CNTNAP5: variants seen among roughly 807,000 people sequenced by gnomAD.
CNTNAP5 encodes the protein contactin associated protein family member 5.
CNTNAP5 carries 72 observed loss-of-function variants against 150.2 expected under a neutral mutation model. That is an observed-to-expected ratio of 0.48 (90% CI 0.40 to 0.58). CNTNAP5 has a LOEUF of 0.58. CNTNAP5 is among the 20% of genes least tolerant of loss of function. The probability of loss-of-function intolerance (pLI) is 0.00; values close to 1 mark genes in which losing one functional copy is unlikely to be tolerated. For synonymous variants in CNTNAP5, 672 were observed against 619.8 expected (o/e 1.08, Z -1.25); for missense variants, 1,636 against 1,626.2 (o/e 1.01, Z -0.10).
chr2:124,184,669 T>G (rs1052928152), intron 1 of CNTNAP5, among the ~76,000 whole-genome samples: 4 of 152,184 alleles, frequency 2.6e-5, no homozygotes, highest in African/African-American at 9.6e-5. Flanking sequence ...ACAATGGCAT[T>G]GCTATTTATT....
chr2:124,248,530 T>G (rs1200921836), intron 3 of CNTNAP5, among the ~76,000 whole-genome samples: 1 of 151,934 alleles, frequency 6.6e-6, no homozygotes, highest in African/African-American at 2.4e-5. Flanking sequence ...CAATCAGCAT[T>G]GTGAAAGCAA....
intron 3 of CNTNAP5, among the ~76,000 whole-genome samples, chr2:124,295,454 C>T (rs1688401028): frequency 6.6e-6 from 1 of 152,216 alleles, no homozygotes; most frequent in South Asian, 2.1e-4. Flanking sequence ...AATTTTCCTT[C>T]TGATTGTCCT....
chr2:124,754,695 AT>A (rs1680801214), intron 14 of CNTNAP5, among the ~76,000 whole-genome samples: 1 of 151,040 alleles, frequency 6.6e-6, no homozygotes. Context: ...ATTTTTTTTT[AT>A]TTTGTTTTTA....
intron 6 of CNTNAP5, among the ~76,000 whole-genome samples, chr2:124,452,655 C>A (rs1032878086): frequency 6.6e-6 from 1 of 152,146 alleles, no homozygotes; most frequent in Admixed American, 6.5e-5. Flanking sequence ...GCCCCTGCAA[C>A]CTCCACTGGA....
At chr2:124,030,584 G>A (rs748008454) in intron 1 of CNTNAP5, among the ~76,000 whole-genome samples, 1 of 151,880 alleles carries the variant, frequency 6.6e-6, no homozygotes, top group South Asian at 2.1e-4. Flanking sequence ...GTTAATTTCT[G>A]TAGCTCTACC....
At chr2:124,287,994 A>G (rs1036723337) in intron 3 of CNTNAP5, among the ~76,000 whole-genome samples, 2 of 152,144 alleles carry the variant, frequency 1.3e-5, no homozygotes, top group African/African-American at 4.8e-5. Context: ...CAATAACGCA[A>G]CCTTGGCTCA....
chr2:124,786,507 A>AAAAG (rs150483975), intron 17 of CNTNAP5, among the ~76,000 whole-genome samples: 36,609 of 131,910 alleles, frequency 0.28, 6,185 homozygotes, highest in African/African-American at 0.35. Flanking sequence ...GAGGGAAAGA[A>AAAAG]AAAGAAAGAA....
At chr2:124,577,155 A>T (rs1696302072) in intron 11 of CNTNAP5, among the ~76,000 whole-genome samples, 1 of 152,258 alleles carries the variant, frequency 6.6e-6, no homozygotes, top group African/African-American at 2.4e-5. Flanking sequence ...CAATGATCCT[A>T]CTATGGACTT....
At chr2:124,158,202 C>A (rs11677523) in intron 1 of CNTNAP5, among the ~76,000 whole-genome samples, 12,619 of 152,090 alleles carry the variant, frequency 0.083, 717 homozygotes, top group Non-Finnish European at 0.13. Flanking sequence ...CAACCCAAAA[C>A]CCTCCCTTGG....
At chr2:124,297,789 C>G (rs980497698) in intron 3 of CNTNAP5, among the ~76,000 whole-genome samples, 1 of 146,812 alleles carries the variant, frequency 6.8e-6, no homozygotes, top group African/African-American at 2.5e-5. Context: ...ACTACTAAGC[C>G]AGGCAATCCA....
At chr2:124,520,793 T>A (rs1254249811) in intron 8 of CNTNAP5, among the ~76,000 whole-genome samples, 1 of 152,210 alleles carries the variant, frequency 6.6e-6, no homozygotes, top group Non-Finnish European at 1.5e-5. Context: ...TGGACACGTC[T>A]ATTCTTTCAA....
chr2:124,548,611 T>A (rs1695566486), intron 10 of CNTNAP5, among the ~76,000 whole-genome samples: 2 of 150,660 alleles, frequency 1.3e-5, no homozygotes, highest in South Asian at 4.2e-4. Context: ...ACCAAATCTC[T>A]CTCTCCACGA....
intron 12 of CNTNAP5, among the ~76,000 whole-genome samples, chr2:124,644,106 T>C (rs1237011494): frequency 6.6e-6 from 1 of 152,252 alleles, no homozygotes; most frequent in African/African-American, 2.4e-5. Flanking sequence ...TGAAGTCATG[T>C]GTGAGTCCAC....
chr2:124,276,477 T>C lies in CNTNAP5; in HGVS notation c.381+34084T>C, dbSNP rs181205159. Among the ~76,000 whole-genome samples, 12 of 152,326 alleles carry C rather than the reference T, an allele frequency of 7.9e-5. No individual in the cohort carries two copies. The East Asian group carries it at 2.3e-3, about 29-fold the overall frequency. On this transcript the variant is annotated intron_variant, in intron 3 of 23. Coordinates refer to ENST00000682447, the MANE Select transcript of CNTNAP5 (RefSeq NM_001367498.1). Reference sequence around the variant, plus strand: ...AACTATGTCCCTTGATTTATTTAAATGATACATGCACCTAGTAGATTTCAA... The same window carrying C: ...AACTATGTCCCTTGATTTATTTAAACGATACATGCACCTAGTAGATTTCAA...
chr2:124,527,003 G>A (rs1558940361), intron 9 of CNTNAP5, among the ~76,000 whole-genome samples: 1 of 152,136 alleles, frequency 6.6e-6, no homozygotes, highest in Non-Finnish European at 1.5e-5. Flanking sequence ...ATAGCAAATA[G>A]TTTACCAATG....
chr2:124,513,478 T>C (rs1479916646), intron 8 of CNTNAP5, among the ~76,000 whole-genome samples: 1 of 152,180 alleles, frequency 6.6e-6, no homozygotes, highest in Admixed American at 6.5e-5. Context: ...GCCCTTCTCA[T>C]CACTAGAATG....
intron 1 of CNTNAP5, among the ~76,000 whole-genome samples, chr2:124,026,246 G>A (rs1474950318): frequency 6.6e-6 from 1 of 152,136 alleles, no homozygotes; most frequent in Non-Finnish European, 1.5e-5. Flanking sequence ...GCAACCAATG[G>A]GCACCGGTTT....
chr2:124,698,300 G>A (rs879487183), intron 13 of CNTNAP5, among the ~76,000 whole-genome samples: 9 of 150,724 alleles, frequency 6.0e-5, no homozygotes, highest in Non-Finnish European at 1.3e-4. Context: ...CTTCAAACAG[G>A]CCTCATTCTC....
chr2:124,439,096 A>G (rs1046164111), intron 5 of CNTNAP5, among the ~76,000 whole-genome samples: 1 of 152,208 alleles, frequency 6.6e-6, no homozygotes, highest in Non-Finnish European at 1.5e-5. Context: ...CAGGCAAACA[A>G]TATGTATGTG....
Sources: gnomAD v4.1 joint callset for allele counts (sites outside exome capture counted in the v4.1 genomes callset) on GRCh38, gnomAD v4.1.1 for gene constraint, MANE v1.5 for transcripts, NCBI Gene and HGNC (gene_info 2026-07-23, HGNC 2026-07-21) for gene names.